AMOTL1: variants seen among roughly 807,000 people sequenced by gnomAD.
AMOTL1 encodes the protein angiomotin-like protein 1.
In AMOTL1, 45 loss-of-function variants were observed where a neutral mutation model predicts 102.9. The observed-to-expected ratio is 0.44, with a 90% CI of 0.34 to 0.56. The LOEUF (loss-of-function observed/expected upper bound fraction) is 0.56, where lower values mean the gene tolerates loss of function less well. AMOTL1 is among the 20% of genes least tolerant of loss of function. The probability of loss-of-function intolerance (pLI) is 0.01; values close to 1 mark genes in which losing one functional copy is unlikely to be tolerated. For synonymous variants in AMOTL1, 481 were observed against 484.7 expected (o/e 0.99, Z 0.10); for missense variants, 1,114 against 1,225.6 (o/e 0.91, Z 1.36).
intron 1 of AMOTL1, among the ~76,000 whole-genome samples, chr11:94,723,404 G>A (rs754014150): frequency 5.3e-5 from 8 of 152,104 alleles, no homozygotes; most frequent in Non-Finnish European, 8.8e-5. Context: ...AGCCTGAGTC[G>A]CTGAGAGTTC....
chr11:94,752,255 C>T (rs1241186388), intron 3 of AMOTL1, among the ~76,000 whole-genome samples: 1 of 152,138 alleles, frequency 6.6e-6, no homozygotes, highest in African/African-American at 2.4e-5. Flanking sequence ...AAGTCAGTTG[C>T]ACCCTCCTCA....
intron 3 of AMOTL1, among the ~76,000 whole-genome samples, chr11:94,754,605 C>G (rs1292160485): frequency 6.6e-6 from 1 of 152,168 alleles, no homozygotes; most frequent in African/African-American, 2.4e-5. Context: ...TTGCATTTCA[C>G]TCCTTTTTCC....
At chr11:94,744,495 A>C (rs369135705) in intron 3 of AMOTL1, among the ~76,000 whole-genome samples, 1 of 152,128 alleles carries the variant, frequency 6.6e-6, no homozygotes, top group East Asian at 1.9e-4. Flanking sequence ...GATTGATTGA[A>C]TCATTGGCCA....
intron 8 of AMOTL1, among the ~76,000 whole-genome samples, chr11:94,855,093 G>A (rs1952633939): frequency 6.6e-6 from 1 of 152,196 alleles, no homozygotes; most frequent in South Asian, 2.1e-4. Context: ...GGTGAAGGGT[G>A]TGTTCTAAAT....
At chr11:94,744,699 G>A (rs1249978282) in intron 3 of AMOTL1, among the ~76,000 whole-genome samples, 1 of 152,070 alleles carries the variant, frequency 6.6e-6, no homozygotes, top group Non-Finnish European at 1.5e-5. Context: ...ACCTACAATG[G>A]TTCCTGGATT....
At chr11:94,741,385 C>G (rs1212985904) in intron 3 of AMOTL1, among the ~76,000 whole-genome samples, 2 of 152,170 alleles carry the variant, frequency 1.3e-5, no homozygotes, top group East Asian at 3.8e-4. Flanking sequence ...TCTGACTTGC[C>G]AAGTACCTGG....
chr11:94,772,394 A>C (rs1322484332), intron 1 of AMOTL1, among the ~76,000 whole-genome samples: 1 of 152,176 alleles, frequency 6.6e-6, no homozygotes. Flanking sequence ...TCTGTTGCTA[A>C]ATGCTTAGCA....
intron 4 of AMOTL1, among the ~76,000 whole-genome samples, chr11:94,822,977 G>C (rs1179549991): frequency 6.6e-6 from 1 of 152,238 alleles, no homozygotes; most frequent in African/African-American, 2.4e-5. Flanking sequence ...CTTCTGTAAA[G>C]TTAAAGCGTA....
chr11:94,850,051 G>T, intron 6 of AMOTL1, 63 bp from the exon 7 acceptor site: 1 of 1,500,244 alleles, frequency 6.7e-7, no homozygotes, highest in East Asian at 2.5e-5. Context: ...ATGTCGACTG[G>T]CCGTGAGCCC....
At chr11:94,725,092 A>G (rs147072824) in intron 1 of AMOTL1, among the ~76,000 whole-genome samples, 132 of 152,264 alleles carry the variant, frequency 8.7e-4, no homozygotes, top group African/African-American at 3.1e-3. Flanking sequence ...TTCCAGTGTG[A>G]CTTGGCTGCA....
At chr11:94,859,111 T>C (rs990265642) in intron 8 of AMOTL1, among the ~76,000 whole-genome samples, 1 of 152,194 alleles carries the variant, frequency 6.6e-6, no homozygotes, top group Admixed American at 6.5e-5. Context: ...GGAATCACTT[T>C]GTGGAATTCT....
At chr11:94,827,758 G>A (rs1194270026) in intron 4 of AMOTL1, among the ~76,000 whole-genome samples, 3 of 152,240 alleles carry the variant, frequency 2.0e-5, no homozygotes, top group East Asian at 1.9e-4. Context: ...AGAAGCCCCC[G>A]TGCTCTCCAG....
At chr11:94,783,152 G>C (rs1422397225) in intron 1 of AMOTL1, among the ~76,000 whole-genome samples, 1 of 152,182 alleles carries the variant, frequency 6.6e-6, no homozygotes, top group African/African-American at 2.4e-5. Context: ...AGCTGGGGTT[G>C]AATCATAGTT....
intron 12 of AMOTL1, among the ~76,000 whole-genome samples, chr11:94,869,711 A>G (rs139104812): frequency 8.1e-4 from 124 of 152,308 alleles, no homozygotes; most frequent in African/African-American, 2.9e-3. Flanking sequence ...CTACCCTGGC[A>G]ATGCATACTT....
chr11:94,852,981 A>C (rs749196468), intron 7 of AMOTL1, among the ~76,000 whole-genome samples: 7 of 152,230 alleles, frequency 4.6e-5, no homozygotes, highest in Non-Finnish European at 1.0e-4. Flanking sequence ...AGCATGCTTA[A>C]TGCTAAGTAT....
At chr11:94,794,744 C>T (rs956819937) in intron 1 of AMOTL1, among the ~76,000 whole-genome samples, 2 of 152,316 alleles carry the variant, frequency 1.3e-5, no homozygotes, top group African/African-American at 2.4e-5. Context: ...CCCTTGGAAC[C>T]GGGTTGTGTG....
chr11:94,815,924 A>G (rs1951757661), intron 3 of AMOTL1, among the ~76,000 whole-genome samples: 1 of 152,154 alleles, frequency 6.6e-6, no homozygotes, highest in Non-Finnish European at 1.5e-5. Context: ...AAGGTTTGTA[A>G]AAGTAAAGTT....
intron 1 of AMOTL1, among the ~76,000 whole-genome samples, chr11:94,711,744 G>A (rs4423146): frequency 0.84 from 126,864 of 151,708 alleles, 54,381 homozygotes; most frequent in Non-Finnish European, 0.93. Context: ...GATCTATCCA[G>A]GTTGTTATGC....
rs561366328 is a variant in AMOTL1, at chr11:94,724,851, T to C, written c.-50-4070T>C. On this transcript the variant is annotated intron_variant, in intron 1 of 4. Transcript: ENST00000299004. ...TACCAGCAAGTACACTTGTTTGCTG[T>C]GATGGTGTTCATATGCGTTAGAACT... Among the ~76,000 whole-genome samples the C allele has an allele frequency of 2.6e-5, 4 of 152,246 alleles. No individual in the cohort carries two copies. The East Asian group carries it at 5.8e-4, about 22-fold the overall frequency.
Sources: gnomAD v4.1 joint callset for allele counts (sites outside exome capture counted in the v4.1 genomes callset) on GRCh38, gnomAD v4.1.1 for gene constraint, MANE v1.5 for transcripts, NCBI Gene and HGNC (gene_info 2026-07-23, HGNC 2026-07-21) for gene names.